The following MYOF variants were observed in gnomAD, a reference collection of about 807,000 sequenced individuals.
The protein encoded by MYOF is fer-1-like 3, myoferlin.
Under a neutral mutation model 284.2 loss-of-function variants are expected in MYOF, and 244 were observed. The ratio of observed to expected loss-of-function variants is 0.86; its 90% CI spans 0.77 to 0.95. MYOF has a LOEUF of 0.95. Ranked by LOEUF, MYOF falls within the 40% of genes least tolerant of loss-of-function variation. The pLI is 0.00. For synonymous variants in MYOF, 904 were observed against 919.7 expected (o/e 0.98, Z 0.31); for missense variants, 2,496 against 2,560.6 (o/e 0.97, Z 0.54).
At chr10:93,383,498 T>C (rs887198064) in intron 19 of MYOF, among the ~76,000 whole-genome samples, 1 of 152,134 alleles carries the variant, frequency 6.6e-6, no homozygotes, top group Admixed American at 6.5e-5. Context: ...CACTGTCACC[T>C]TGATAAGGGA....
At chr10:93,400,605 A>C (rs1284183592) in intron 12 of MYOF, among the ~76,000 whole-genome samples, 1 of 150,904 alleles carries the variant, frequency 6.6e-6, no homozygotes, top group East Asian at 1.9e-4. Context: ...CTGTATAGTG[A>C]GTGCAGCCTC....
At chr10:93,371,902 C>A (rs948653331) in intron 24 of MYOF, among the ~76,000 whole-genome samples, 4 of 152,116 alleles carry the variant, frequency 2.6e-5, no homozygotes, top group East Asian at 1.9e-4. Context: ...AGAGAAGGTG[C>A]CTTTGTCTCC....
In MYOF at chr10:93,394,523, C is replaced by T. The variant is rs1267650256; in HGVS notation, c.1418-1568G>A. ...TCGCCCAGGCTGGAGTGCAGTGGCG[C>T]GATCTCGGCTCACTGCAAGCTCCGC... On this transcript the variant is annotated intron_variant, in intron 16 of 53. Coordinates refer to ENST00000359263, the MANE Select transcript of MYOF (RefSeq NM_013451.4). 8.8e-5 allele frequency among the ~76,000 whole-genome samples: 11 copies of T among 125,106 alleles called. No individual in the cohort carries two copies. In the East Asian group the frequency reaches 2.4e-3, roughly 27 times the overall value. The allele number at this position is 125,106 out of a possible 152,430, so 82.1% of individuals were successfully genotyped here. A position where few individuals can be genotyped will look rare whatever the true frequency, so the allele number is the denominator to read the frequency against.
intron 3 of MYOF, among the ~76,000 whole-genome samples, chr10:93,443,421 TGTCTCTCC>T (rs2056331097): frequency 6.6e-6 from 1 of 151,986 alleles, no homozygotes; most frequent in Non-Finnish European, 1.5e-5. Context: ...GTGCTCTCTC[TGTCTCTCC>T]TCTCTCTTCT....
chr10:93,382,107 A>G (rs1406287082), intron 19 of MYOF, among the ~76,000 whole-genome samples: 1 of 152,226 alleles, frequency 6.6e-6, no homozygotes, highest in Non-Finnish European at 1.5e-5. Context: ...ATATTCATAA[A>G]GAAGGTCTGG....
intron 3 of MYOF, among the ~76,000 whole-genome samples, chr10:93,445,189 TTTCAGTATAA>T (rs2056394059): frequency 6.6e-6 from 1 of 152,190 alleles, no homozygotes. Context: ...AGTCAGAGGC[TTTCAGTATAA>T]CATAAAAGTC....
At chr10:93,347,215 A>G (rs1844226283) in intron 37 of MYOF, among the ~76,000 whole-genome samples, 1 of 152,172 alleles carries the variant, frequency 6.6e-6, no homozygotes, top group Non-Finnish European at 1.5e-5. Flanking sequence ...TCCAGGACTT[A>G]CCTTGAGTAG....
intron 27 of MYOF, among the ~76,000 whole-genome samples, chr10:93,363,760 G>T (rs1285779493): frequency 2.0e-5 from 3 of 152,158 alleles, no homozygotes; most frequent in Non-Finnish European, 4.4e-5. Context: ...TTCCAACATC[G>T]AGTTAAATAG....
chr10:93,465,348 T>C (rs561928867), intron 1 of MYOF, among the ~76,000 whole-genome samples: 104 of 152,278 alleles, frequency 6.8e-4, no homozygotes, highest in Middle Eastern at 3.4e-3. Flanking sequence ...TAGTAATTTC[T>C]CCATGACGGA....
At chr10:93,311,455 CAAA>C (rs11397640) in intron 51 of MYOF, among the ~76,000 whole-genome samples, 1 of 129,686 alleles carries the variant, frequency 7.7e-6, no homozygotes, top group Non-Finnish European at 1.7e-5. Flanking sequence ...ACTAAAAATA[CAAA>C]AAAAAAAAAA....
intron 3 of MYOF, among the ~76,000 whole-genome samples, chr10:93,440,431 C>G (rs1202211676): frequency 6.6e-6 from 1 of 151,568 alleles, no homozygotes. Context: ...ACCCCCAAAA[C>G]AAACCCTTAT....
In MYOF at chr10:93,306,755, T is replaced by TAATACTTAAGAG; in HGVS notation, c.*196_*207dup. Reference sequence around the variant, plus strand: ...TTTAAACTTTAGAAAATAAAACTTTTAATACTTAAGAGATAACATGATGCA... The same window carrying TAATACTTAAGAG: ...TTTAAACTTTAGAAAATAAAACTTTTAATACTTAAGAGAATACTTAAGAGATAACATGATGCA... On this transcript the variant is annotated 3_prime_UTR_variant, in exon 54 of 54. Transcript: ENST00000359263. The TAATACTTAAGAG allele has an allele frequency of 1.9e-6, 1 of 517,068 alleles. No homozygotes were observed. The highest frequency in any genetic ancestry group is 3.4e-5 in the East Asian group (1 of 29,490). 32.0% of individuals were successfully genotyped at this position (517,068 alleles called of 1,614,324 possible). A position where few individuals can be genotyped will look rare whatever the true frequency, so the allele number is the denominator to read the frequency against.
chr10:93,311,905 G>A (rs1016659626), intron 51 of MYOF, among the ~76,000 whole-genome samples: 1 of 152,168 alleles, frequency 6.6e-6, no homozygotes, highest in African/African-American at 2.4e-5. Flanking sequence ...GTATTGTAAC[G>A]GAAAGCAGGT....
intron 4 of MYOF, 110 bp downstream of exon 4, chr10:93,431,298 G>C: frequency 1.2e-6 from 1 of 824,748 alleles, no homozygotes; most frequent in Non-Finnish European, 1.9e-6. Context: ...CTCCCAAAGT[G>C]CTGGGATTAC....
intron 1 of MYOF, among the ~76,000 whole-genome samples, chr10:93,478,000 A>T (rs1252106788): frequency 1.3e-5 from 2 of 152,204 alleles, no homozygotes; most frequent in East Asian, 3.8e-4. Context: ...CAAATTGTTC[A>T]GAGTGGTGAC....
intron 51 of MYOF, among the ~76,000 whole-genome samples, chr10:93,312,111 A>G (rs946078820): frequency 1.3e-5 from 2 of 152,248 alleles, no homozygotes; most frequent in Admixed American, 1.3e-4. Context: ...TGTTTTTAAA[A>G]AGATTATGAA....
intron 21 of MYOF, among the ~76,000 whole-genome samples, chr10:93,379,151 C>A (rs547343959): frequency 1.3e-5 from 2 of 152,096 alleles, no homozygotes; most frequent in Non-Finnish European, 2.9e-5. Flanking sequence ...CCAAGGAAAT[C>A]CCCAACCTCC....
rs753390693 is a variant in MYOF, at chr10:93,323,687, GCACACGCACGTGCACACA to G, written c.5272-347_5272-330del. 5.1e-5 allele frequency: 16 copies of G among 313,226 alleles called. No homozygotes were observed. The South Asian group carries it at 6.7e-4, about 13-fold the overall frequency. 19.4% of individuals were successfully genotyped at this position (313,226 alleles called of 1,614,324 possible). A position where few individuals can be genotyped will look rare whatever the true frequency, so the allele number is the denominator to read the frequency against. ...CCCAACATACACATCCCACAGGCAG[GCACACGCACGTGCACACA>G]CACACACACGCGCGTGCGCGCACAT... is the stretch of plus-strand genomic sequence containing the variant. On this transcript the variant is annotated intron_variant, in intron 46 of 53. Transcript: ENST00000359263.
intron 5 of MYOF, among the ~76,000 whole-genome samples, chr10:93,423,706 G>A (rs538373826): frequency 8.6e-4 from 130 of 151,514 alleles, no homozygotes; most frequent in Non-Finnish European, 1.5e-3. Flanking sequence ...GGTGGCGGGC[G>A]CCTATAGTCC....
Sources: gnomAD v4.1 joint callset for allele counts (sites outside exome capture counted in the v4.1 genomes callset) on GRCh38, gnomAD v4.1.1 for gene constraint, MANE v1.5 for transcripts, NCBI Gene and HGNC (gene_info 2026-07-23, HGNC 2026-07-21) for gene names.